Variants in DNMBP observed in about 807,000 individuals in gnomAD.
DNMBP encodes the protein dynamin binding protein, also known as dynamin-binding protein.
In DNMBP, 87 loss-of-function variants were observed where a neutral mutation model predicts 150.0. The observed-to-expected ratio is 0.58, with a 90% CI of 0.49 to 0.69. The LOEUF is 0.69. Ranked by LOEUF, DNMBP falls within the 30% of genes least tolerant of loss-of-function variation. The probability of loss-of-function intolerance (pLI) is 0.00; values close to 1 mark genes in which losing one functional copy is unlikely to be tolerated. For synonymous variants in DNMBP, 711 were observed against 750.4 expected, an observed-to-expected ratio of 0.95 and a Z score of 0.86; for missense variants, 1,774 against 1,949.0, an observed-to-expected ratio of 0.91 and a Z score of 1.69.
At chr10:99,891,397 G>A (rs1312530863) in intron 11 of DNMBP, among the ~76,000 whole-genome samples, 1 of 151,620 alleles carries the variant, frequency 6.6e-6, no homozygotes, top group Non-Finnish European at 1.5e-5. Context: ...CCGGTCTCCA[G>A]CCCCTAACCG....
rs1564744841 is a variant in DNMBP at position 99,955,643 on chromosome 10, G to GCC, written c.1830_1831insGG (p.Pro611GlyfsTer22). The GCC allele has an allele frequency of 6.2e-7, 1 of 1,614,212 alleles. No homozygotes were observed. On this transcript the variant is annotated frameshift_variant, in exon 4 of 17. Transcript: ENST00000324109. LOFTEE classifies it high-confidence loss of function. ...ACCGGAGTACAGGGACGAGGTGGCG[G>GCC]TGGCCTTAGGGCCTTTCTCCTTTCC...
chr10:99,989,316 G>C (rs1345737900), intron 1 of DNMBP, among the ~76,000 whole-genome samples: 1 of 152,194 alleles, frequency 6.6e-6, no homozygotes, highest in Non-Finnish European at 1.5e-5. Flanking sequence ...ATTATTTTAT[G>C]GTTTGGCCTG....
chr10:99,941,198 C>T (rs80176566), intron 4 of DNMBP, among the ~76,000 whole-genome samples: 11,939 of 151,956 alleles, frequency 0.079, 645 homozygotes, highest in African/African-American at 0.15. Flanking sequence ...CTTGCCCCTT[C>T]GTGAAACCGT....
At chr10:99,933,615 T>G (rs2040185958) in intron 4 of DNMBP, among the ~76,000 whole-genome samples, 1 of 152,224 alleles carries the variant, frequency 6.6e-6, no homozygotes, top group Non-Finnish European at 1.5e-5. Flanking sequence ...ACGCTTTTAT[T>G]CTTCCCCTTC....
intron 4 of DNMBP, chr10:99,929,668 G>C (rs762980590): frequency 1.4e-6 from 1 of 702,682 alleles, no homozygotes; most frequent in South Asian, 1.5e-5. Context: ...GGTGCTGTGC[G>C]GCGGAGGCAA....
intron 1 of DNMBP, among the ~76,000 whole-genome samples, chr10:99,995,774 T>C (rs2040945138): frequency 6.6e-6 from 1 of 152,224 alleles, no homozygotes. Flanking sequence ...AGCAACTATA[T>C]AAACACTGTC....
At chr10:99,901,714 A>G (rs1263893075) in intron 6 of DNMBP, among the ~76,000 whole-genome samples, 1 of 152,016 alleles carries the variant, frequency 6.6e-6, no homozygotes, top group Admixed American at 6.6e-5. Flanking sequence ...CATGTTCCAC[A>G]AAAAAGAGCT....
At chr10:99,908,135 G>T in intron 5 of DNMBP, 41 bp from the exon 6 acceptor site, 1 of 1,385,704 alleles carries the variant, frequency 7.2e-7, no homozygotes, top group South Asian at 1.2e-5. Context: ...ACGGAAATGA[G>T]CTTAATGGCA....
Position 99,955,476 on chromosome 10 carries a change from G to A in DNMBP, c.1998C>T (p.His666=). 2 of 1,605,662 alleles carry A rather than the reference G, an allele frequency of 1.2e-6. No homozygotes were observed. Among genetic ancestry groups the A allele is most frequent in the Non-Finnish European group, 1.7e-6 (2 of 1,175,446 alleles). Residue 666 remains histidine, a synonymous_variant, in exon 4 of 17, where the codon CAC becomes CAT. Coordinates refer to ENST00000324109, the MANE Select transcript of DNMBP (RefSeq NM_015221.4). The part of the protein sequence containing the change: ...NAVSPKLLSR[H]RPTCETLEKE... ...TTTCTAAGGTCTCACAGGTAGGACG[G>A]TGTCGAGATAGGAGCTTGGGGGATA...
intron 1 of DNMBP, among the ~76,000 whole-genome samples, chr10:99,990,755 A>C (rs1228114146): frequency 9.9e-6 from 1 of 101,434 alleles, no homozygotes; most frequent in Non-Finnish European, 2.0e-5. Flanking sequence ...ATGTATATAC[A>C]CATATATACA....
Position 99,888,665 on chromosome 10 carries a change from A to G in DNMBP, c.3285+160T>C, listed in dbSNP as rs549902597. On this transcript the variant is annotated intron_variant, in intron 12 of 16. Coordinates refer to ENST00000324109, the MANE Select transcript of DNMBP (RefSeq NM_015221.4). ...CCTACATCTCCCTTTAACTAACTGA[A>G]AGTCATGTTGTGAATATCAAACCCC... Among the ~76,000 whole-genome samples the G allele has an allele frequency of 2.6e-5, 4 of 152,326 alleles. No homozygotes were observed. The East Asian group carries it at 7.7e-4, about 29-fold the overall frequency.
chr10:99,890,722 CTG>C, intron 11 of DNMBP, among the ~76,000 whole-genome samples: 2 of 152,230 alleles, frequency 1.3e-5, no homozygotes, highest in African/African-American at 4.8e-5. Context: ...TCTCAGCTCA[CTG>C]CAACCTCCAC....
At chr10:99,881,080 T>G (rs1039433587) in intron 15 of DNMBP, among the ~76,000 whole-genome samples, 11 of 151,966 alleles carry the variant, frequency 7.2e-5, no homozygotes, top group Non-Finnish European at 1.6e-4. Flanking sequence ...ACGAAAATAT[T>G]AGCCGGATGT....
In DNMBP at chr10:99,935,105, A is replaced by G. The variant is rs533784173; in HGVS notation, c.2260+20109T>C. Reference sequence around the variant, plus strand: ...GTCTCCACAAAAAAAAAAAAAAAAAAAAAAAAAAGAAAAGAAAAAGGGAAG... The same window carrying G: ...GTCTCCACAAAAAAAAAAAAAAAAAGAAAAAAAAGAAAAGAAAAAGGGAAG... On this transcript the variant is annotated intron_variant, in intron 4 of 16. Coordinates refer to ENST00000324109, the MANE Select transcript of DNMBP (RefSeq NM_015221.4). 3.2e-4 allele frequency among the ~76,000 whole-genome samples: 49 copies of G among 151,088 alleles called. No homozygotes were observed. In the South Asian group the frequency reaches 8.8e-3, roughly 27 times the overall value.
At chr10:99,908,575 T>A (rs2039855097) in intron 5 of DNMBP, among the ~76,000 whole-genome samples, 1 of 152,236 alleles carries the variant, frequency 6.6e-6, no homozygotes, top group African/African-American at 2.4e-5. Context: ...AAGGGTTTCC[T>A]GGATAAACTC....
intron 3 of DNMBP, among the ~76,000 whole-genome samples, chr10:99,966,407 A>C (rs2040619728): frequency 6.6e-6 from 1 of 152,264 alleles, no homozygotes; most frequent in African/African-American, 2.4e-5. Flanking sequence ...GATAAAATCT[A>C]GATTCCAGGT....
intron 4 of DNMBP, among the ~76,000 whole-genome samples, chr10:99,920,420 T>C (rs1197539818): frequency 2.0e-5 from 3 of 151,890 alleles, no homozygotes. Flanking sequence ...AAACCTAGGA[T>C]ATGGGTGGGG....
At chr10:99,984,761 A>G (rs2040813348) in intron 1 of DNMBP, among the ~76,000 whole-genome samples, 1 of 152,036 alleles carries the variant, frequency 6.6e-6, no homozygotes, top group African/African-American at 2.4e-5. Context: ...ACAGGGTCTC[A>G]CTCTGTTGCC....
At chr10:99,968,302 T>C (rs1414253060) in intron 3 of DNMBP, among the ~76,000 whole-genome samples, 1 of 152,164 alleles carries the variant, frequency 6.6e-6, no homozygotes, top group Non-Finnish European at 1.5e-5. Flanking sequence ...CATTAATAAA[T>C]GGTAATATTG....
Sources: allele counts gnomAD v4.1 joint callset (sites outside exome capture counted in the v4.1 genomes callset), GRCh38; gene constraint gnomAD v4.1.1; transcripts MANE v1.5; gene names NCBI Gene and HGNC (gene_info 2026-07-23, HGNC 2026-07-21).